Variants in SEMA7A observed in about 807,000 individuals in gnomAD.
SEMA7A encodes semaphorin 7A (JohnMiltonHagen blood group).
Under a neutral mutation model 67.5 loss-of-function variants are expected in SEMA7A, and 21 were observed. The observed-to-expected ratio is 0.31, with a 90% CI of 0.22 to 0.45. The LOEUF is 0.45. Among genes scored for constraint, SEMA7A ranks in the 20% least tolerant of loss-of-function variants. The probability of loss-of-function intolerance (pLI) is 1.00; values close to 1 mark genes in which losing one functional copy is unlikely to be tolerated. For synonymous variants in SEMA7A, 364 were observed against 368.5 expected, an observed-to-expected ratio of 0.99 and a Z score of 0.14; for missense variants, 774 against 908.6, an observed-to-expected ratio of 0.85 and a Z score of 1.90.
Position 74,410,710 on chromosome 15 carries a change from G to A in SEMA7A, c.1915C>T (p.His639Tyr). Residue 639 changes from histidine (H) to tyrosine (Y), a missense_variant, in exon 14 of 14, where the codon CAC becomes TAC. Physicochemically the swap from His to Tyr is moderately conservative, Grantham distance 83. Coordinates refer to ENST00000261918, the MANE Select transcript of SEMA7A (RefSeq NM_003612.5). This position sits in a 1 kb window ranked among gnomAD's most constrained non-coding sequence, Gnocchi z 7.5. ...LLPEDGIMAE[H>Y]LLGHACALAA... Reference sequence around the variant, plus strand: ...AGGGCACAGGCATGACCCAGCAGGTGCTCGGCCATGATGCCGTCCTCGGGC... The same window carrying A: ...AGGGCACAGGCATGACCCAGCAGGTACTCGGCCATGATGCCGTCCTCGGGC... The A allele has an allele frequency of 6.2e-7, 1 of 1,613,640 alleles. No individual in the cohort carries two copies. The highest frequency in any genetic ancestry group is 8.5e-7 in the Non-Finnish European group (1 of 1,179,944).
chr15:74,409,887 G>A lies in SEMA7A; in HGVS notation c.*737C>T, dbSNP rs2060884590. The A allele has an allele frequency of 1.3e-5, 2 of 150,896 alleles. No individual in the cohort carries two copies. Among genetic ancestry groups the A allele is most frequent in the South Asian group, 4.2e-4 (2 of 4,754 alleles). 9.3% of individuals were successfully genotyped at this position (150,896 alleles called of 1,614,324 possible). A position where few individuals can be genotyped will look rare whatever the true frequency, so the allele number is the denominator to read the frequency against. ...TCTTATCTCATCCCCGGGAGCCTCA[G>A]ACTGGGATCACCCCCGCTCCCCAAC... On this transcript the variant is annotated 3_prime_UTR_variant, in exon 14 of 14. Transcript: ENST00000261918.
chr15:74,415,685 G>T, intron 8 of SEMA7A, 116 bp downstream of exon 8: 1 of 1,046,844 alleles, frequency 9.6e-7, no homozygotes, highest in South Asian at 1.7e-5. Context: ...AGCCTCTTGA[G>T]CCTGCAGCCC....
chr15:74,433,551 G>A (rs1237555141), intron 1 of SEMA7A, 190 bp downstream of exon 1: 10 of 1,214,068 alleles, frequency 8.2e-6, no homozygotes, highest in Admixed American at 4.4e-5. Context: ...CGTTACAGCC[G>A]GCTCTGGTGT....
At chr15:74,417,840 G>T in intron 4 of SEMA7A, 37 bp downstream of exon 4, 3 of 1,607,152 alleles carry the variant, frequency 1.9e-6, no homozygotes, top group East Asian at 2.2e-5. Context: ...GCAGTAGAAG[G>T]TGAGCTGATC....
At chr15:74,426,844 C>T (rs1486369284) in intron 1 of SEMA7A, among the ~76,000 whole-genome samples, 1 of 152,164 alleles carries the variant, frequency 6.6e-6, no homozygotes, top group Non-Finnish European at 1.5e-5. Context: ...CAGCCAGGTC[C>T]CCACTCAGCC....
At chr15:74,418,182 G>A in intron 3 of SEMA7A, 86 bp downstream of exon 3, 2 of 1,394,060 alleles carry the variant, frequency 1.4e-6, no homozygotes, top group Non-Finnish European at 2.0e-6. Context: ...CGTGGGGCAG[G>A]GCCATGCTTC....
intron 1 of SEMA7A, among the ~76,000 whole-genome samples, chr15:74,425,469 G>A (rs2061036728): frequency 6.6e-6 from 1 of 152,092 alleles, no homozygotes; most frequent in African/African-American, 2.4e-5. Flanking sequence ...TTCCAGAGAT[G>A]AGCCCTTGGA....
intron 1 of SEMA7A, among the ~76,000 whole-genome samples, 180 bp from the exon 2 acceptor site, chr15:74,419,132 A>C (rs1241803061): frequency 6.6e-6 from 1 of 152,188 alleles, no homozygotes; most frequent in Non-Finnish European, 1.5e-5. Context: ...GAGAAGTAAG[A>C]GATCCTCCGG....
chr15:74,421,280 C>T (rs1762544174), intron 1 of SEMA7A, among the ~76,000 whole-genome samples: 1 of 152,184 alleles, frequency 6.6e-6, no homozygotes, highest in Admixed American at 6.5e-5. Context: ...TCCAGCAAAA[C>T]TGTCTTAGCA....
chr15:74,424,489 T>C (rs2061026418), intron 1 of SEMA7A, among the ~76,000 whole-genome samples: 1 of 152,220 alleles, frequency 6.6e-6, no homozygotes, highest in African/African-American at 2.4e-5. Flanking sequence ...CCAGCCACCC[T>C]GCAAAGAAGG....
At chr15:74,412,314 G>A (rs929855430) in intron 10 of SEMA7A, among the ~76,000 whole-genome samples, 1 of 152,176 alleles carries the variant, frequency 6.6e-6, no homozygotes, top group African/African-American at 2.4e-5. Context: ...CAAGGTCAGT[G>A]CGGCTGCTGT....
At chr15:74,430,782 G>A (rs1438824463) in intron 1 of SEMA7A, among the ~76,000 whole-genome samples, 2 of 152,210 alleles carry the variant, frequency 1.3e-5, no homozygotes, top group Non-Finnish European at 2.9e-5. Flanking sequence ...GATTTCCACT[G>A]GAAATGCTGA....
chr15:74,432,710 A>G (rs2061098964), intron 1 of SEMA7A, among the ~76,000 whole-genome samples: 1 of 152,118 alleles, frequency 6.6e-6, no homozygotes, highest in African/African-American at 2.4e-5. Flanking sequence ...AGACCCGACC[A>G]GTTCCCCCAG....
At position 74,418,255 on chromosome 15, in the gene SEMA7A, C is replaced by G. The variant is rs753546045; in HGVS notation, c.372+13G>C. ...AGTGGCTCAGACCCCTCCATACCCCCTCCCCCACTCACCCGCTTATCCAGA... is the reference window on the plus strand; with the variant it reads ...AGTGGCTCAGACCCCTCCATACCCCGTCCCCCACTCACCCGCTTATCCAGA... On this transcript the variant is annotated intron_variant, in intron 3 of 13. Transcript: ENST00000261918. 22 of 1,612,914 alleles carry G rather than the reference C, an allele frequency of 1.4e-5. No individual in the cohort carries two copies. In the South Asian group the frequency reaches 2.4e-4, roughly 18 times the overall value.
In SEMA7A at chr15:74,411,119, CT is replaced by C; in HGVS notation, c.1640-135del. ...GGGGAACCCAGCCCTCAGCGTCCTC[CT>C]TTTTTCTCCCGTCTCGCTCATCCCA... On this transcript the variant is annotated intron_variant, in intron 13 of 13. Coordinates refer to ENST00000261918, the MANE Select transcript of SEMA7A (RefSeq NM_003612.5). This position sits in a 1 kb window ranked among gnomAD's most constrained non-coding sequence, Gnocchi z 4.4. 7.1e-7 allele frequency: 1 copy of C among 1,401,112 alleles called. No individual in the cohort carries two copies. The highest frequency in any genetic ancestry group is 9.6e-7 in the Non-Finnish European group (1 of 1,042,366). The allele number at this position is 1,401,112 out of a possible 1,614,324, so 86.8% of individuals were successfully genotyped here.
chr15:74,433,891 CG>C lies in SEMA7A; in HGVS notation c.27del (p.Ala10ProfsTer39). 1 of 1,264,456 alleles carries C rather than the reference CG, an allele frequency of 7.9e-7. No individual in the cohort carries two copies. Among genetic ancestry groups the C allele is most frequent in the Non-Finnish European group, 9.9e-7 (1 of 1,009,946 alleles). 78.3% of individuals were successfully genotyped at this position (1,264,456 alleles called of 1,614,324 possible). On this transcript the variant is annotated frameshift_variant, in exon 1 of 14. Coordinates refer to ENST00000261918, the MANE Select transcript of SEMA7A (RefSeq NM_003612.5). LOFTEE classifies it high-confidence loss of function. The part of the protein sequence containing the change: MTPPPPGR[A>X]APSAPRARVP... ...ACGCGGGCGCGCGGTGCGCTGGGGG[CG>C]GCACGTCCGGGCGGAGGAGGCGTCA...
chr15:74,422,875 C>A (rs1428280800), intron 1 of SEMA7A, among the ~76,000 whole-genome samples: 1 of 152,240 alleles, frequency 6.6e-6, no homozygotes, highest in Non-Finnish European at 1.5e-5. Flanking sequence ...GGCCCGCTGT[C>A]CCCATACTCT....
rs748573394 is a variant in SEMA7A, at chr15:74,414,581, G to A, written c.1260C>T (p.His420=). 115 of 1,614,230 alleles carry A rather than the reference G, an allele frequency of 7.1e-5. No individual in the cohort carries two copies. Among genetic ancestry groups the A allele is most frequent in the Admixed American group, 2.8e-4 (17 of 60,036 alleles). Residue 420 remains histidine (H), a synonymous_variant, in exon 10 of 14, where the codon CAC becomes CAT. Transcript: ENST00000261918. This position sits in a 1 kb window ranked among gnomAD's most constrained non-coding sequence, Gnocchi z 4.1. ...GGTAAAGCACATGAAAGGTCTCCCC[G>A]TGGCTGGCTTGCATGCGGTGGACGG... The part of the protein sequence containing the change: ...KVAVHRMQAS[H]GETFHVLYLT...
chr15:74,424,837 C>A (rs2061030489), intron 1 of SEMA7A, among the ~76,000 whole-genome samples: 1 of 152,252 alleles, frequency 6.6e-6, no homozygotes, highest in African/African-American at 2.4e-5. Flanking sequence ...AGCTGTTCTC[C>A]AGCCCAGCAG....
Sources: allele counts gnomAD v4.1 joint callset (sites outside exome capture counted in the v4.1 genomes callset), GRCh38; gene constraint gnomAD v4.1.1; non-coding constraint Gnocchi (gnomAD v3.1); transcripts MANE v1.5; gene names NCBI Gene and HGNC (gene_info 2026-07-23, HGNC 2026-07-21).